Variants in GALM observed in about 807,000 individuals in gnomAD.
The protein encoded by GALM is aldose 1-epimerase.
GALM carries 43 observed loss-of-function variants against 37.4 expected under a neutral mutation model. That is an observed-to-expected ratio of 1.15 (90% CI 0.90 to 1.48). The LOEUF is 1.48. GALM is among the 40% of genes most tolerant of loss of function. The probability of loss-of-function intolerance (pLI) is 0.00; values close to 1 mark genes in which losing one functional copy is unlikely to be tolerated. For missense variants in GALM, 456 were observed against 419.1 expected, an observed-to-expected ratio of 1.09 and a Z score of -0.77; for synonymous variants, 199 against 170.6, an observed-to-expected ratio of 1.17 and a Z score of -1.30.
intron 4 of GALM, among the ~76,000 whole-genome samples, chr2:38,706,674 A>C (rs1447990882): frequency 6.6e-6 from 1 of 151,768 alleles, no homozygotes; most frequent in Non-Finnish European, 1.5e-5. Context: ...TCAGAAACAA[A>C]GAAATATCAC....
chr2:38,678,165 C>T (rs1468864426), intron 2 of GALM, among the ~76,000 whole-genome samples: 5 of 151,834 alleles, frequency 3.3e-5, no homozygotes, highest in East Asian at 1.9e-4. Context: ...TACAGGCATT[C>T]GCCACCATGC....
intron 4 of GALM, among the ~76,000 whole-genome samples, chr2:38,692,815 A>T (rs78296860): frequency 6.6e-6 from 1 of 152,198 alleles, no homozygotes; most frequent in African/African-American, 2.4e-5. Context: ...TGGAAGGGAA[A>T]GTGGAAGTTT....
intron 5 of GALM, 139 bp downstream of exon 5, chr2:38,729,836 A>C: frequency 5.8e-5 from 40 of 684,862 alleles, no homozygotes; most frequent in Non-Finnish European, 7.6e-5. Context: ...ATATTTTCTC[A>C]AAGCTCCCAT....
intron 4 of GALM, among the ~76,000 whole-genome samples, chr2:38,701,796 C>T (rs1027058998): frequency 5.1e-4 from 78 of 152,248 alleles, no homozygotes; most frequent in African/African-American, 1.8e-3. Flanking sequence ...ATGTTGCAAA[C>T]GAAGGCTGTT....
chr2:38,699,241 C>G (rs1252735752), intron 4 of GALM, among the ~76,000 whole-genome samples: 1 of 152,048 alleles, frequency 6.6e-6, no homozygotes, highest in Non-Finnish European at 1.5e-5. Flanking sequence ...TAATTGATAC[C>G]TAATACTTGA....
At position 38,709,921 on chromosome 2, in the gene GALM, CTCT is replaced by C. The variant is rs1207467392; in HGVS notation, c.635-19631_635-19629del. Among the ~76,000 whole-genome samples the C allele has an allele frequency of 3.9e-5, 6 of 152,314 alleles. No individual in the cohort carries two copies. The East Asian group carries it at 7.7e-4, about 20-fold the overall frequency. Reference sequence around the variant, plus strand: ...GGCCTCCTTATGCAAATTTGACTGACTCTTCTGAGCCCGACTAGATAAAGAAAC... The same window carrying C: ...GGCCTCCTTATGCAAATTTGACTGACTCTGAGCCCGACTAGATAAAGAAAC... On this transcript the variant is annotated intron_variant, in intron 4 of 6. Transcript: ENST00000272252.
At chr2:38,684,886 C>T (rs920276917) in intron 3 of GALM, among the ~76,000 whole-genome samples, 1 of 151,960 alleles carries the variant, frequency 6.6e-6, no homozygotes, top group African/African-American at 2.4e-5. Flanking sequence ...TGGGGGAATT[C>T]GAGATGAAAA....
chr2:38,715,219 T>G (rs1666245305), intron 4 of GALM, among the ~76,000 whole-genome samples: 1 of 152,222 alleles, frequency 6.6e-6, no homozygotes, highest in South Asian at 2.1e-4. Flanking sequence ...TGGAATATCT[T>G]TTTTCATCCC....
At chr2:38,694,968 G>A (rs1277805148) in intron 4 of GALM, among the ~76,000 whole-genome samples, 1 of 151,490 alleles carries the variant, frequency 6.6e-6, no homozygotes, top group Non-Finnish European at 1.5e-5. Flanking sequence ...TTGTTCTGTT[G>A]CAGCATATGG....
intron 4 of GALM, among the ~76,000 whole-genome samples, chr2:38,727,483 C>A (rs967589913): frequency 1.3e-5 from 2 of 151,964 alleles, no homozygotes; most frequent in Admixed American, 1.3e-4. Context: ...AATCCCAGCC[C>A]TTTGGGAGGC....
chr2:38,682,897 T>C (rs1383532660), intron 3 of GALM, among the ~76,000 whole-genome samples: 3 of 135,582 alleles, frequency 2.2e-5, no homozygotes, highest in Non-Finnish European at 4.8e-5. Flanking sequence ...ACTCCGTCTT[T>C]AAAAAAAAAA....
rs201614590 is a variant in GALM, at chr2:38,666,178, G to A, written c.17G>A (p.Arg6Lys). 3 of 1,613,042 alleles carry A rather than the reference G, an allele frequency of 1.9e-6. No homozygotes were observed. The highest frequency in any genetic ancestry group is 1.7e-6 in the Non-Finnish European group (2 of 1,179,416). Residue 6 changes from arginine (R) to lysine (K), a missense_variant, in exon 1 of 7, where the codon AGG becomes AAG. Arg to Lys is a conservative substitution (Grantham distance 26, BLOSUM62 2). Coordinates refer to ENST00000272252, the MANE Select transcript of GALM (RefSeq NM_138801.3). The stretch of plus-strand genomic sequence containing the variant: ...ACTTTCCCTATGGCTTCGGTGACCA[G>A]GGCCGTGTTTGGAGAGCTGCCCTCG... The part of the protein sequence containing the change: MASVT[R>K]AVFGELPSGG...
At chr2:38,705,958 C>T (rs1666029116) in intron 4 of GALM, among the ~76,000 whole-genome samples, 1 of 152,070 alleles carries the variant, frequency 6.6e-6, no homozygotes, top group Non-Finnish European at 1.5e-5. Context: ...AGCTATTCTC[C>T]CACCTCAGCC....
intron 1 of GALM, among the ~76,000 whole-genome samples, chr2:38,674,943 G>A: frequency 6.6e-6 from 1 of 152,204 alleles, no homozygotes; most frequent in East Asian, 1.9e-4. Flanking sequence ...GGGAGGCCGA[G>A]TTGGGCAGAT....
At chr2:38,714,866 T>C (rs1666238982) in intron 4 of GALM, among the ~76,000 whole-genome samples, 1 of 152,242 alleles carries the variant, frequency 6.6e-6, no homozygotes, top group South Asian at 2.1e-4. Flanking sequence ...ATCAATGTTG[T>C]AGGTTCATTT....
chr2:38,722,677 G>A (rs1666407772), intron 4 of GALM, among the ~76,000 whole-genome samples: 1 of 152,212 alleles, frequency 6.6e-6, no homozygotes, highest in Admixed American at 6.5e-5. Flanking sequence ...ATTGCTGAGA[G>A]CTATTTTGAC....
chr2:38,667,748 A>C (rs1387623692), intron 1 of GALM, among the ~76,000 whole-genome samples: 1 of 151,762 alleles, frequency 6.6e-6, no homozygotes, highest in East Asian at 2.0e-4. Flanking sequence ...GAGGCAGGAG[A>C]ATCACTTGAA....
chr2:38,686,227 T>TCCTTC (rs200153954), intron 3 of GALM, among the ~76,000 whole-genome samples: 191 of 16,318 alleles, frequency 0.012, 14 homozygotes, highest in East Asian at 0.033. Context: ...GAAATTTCTT[T>TCCTTC]CTTTCTTTCT....
At chr2:38,687,525 C>A (rs1164818814) in intron 3 of GALM, among the ~76,000 whole-genome samples, 1 of 152,070 alleles carries the variant, frequency 6.6e-6, no homozygotes, top group Non-Finnish European at 1.5e-5. Context: ...GCCTGGCCAA[C>A]ATGGTGAAAC....
Sources: gnomAD v4.1 joint callset for allele counts (sites outside exome capture counted in the v4.1 genomes callset) on GRCh38, gnomAD v4.1.1 for gene constraint, MANE v1.5 for transcripts, NCBI Gene and HGNC (gene_info 2026-07-23, HGNC 2026-07-21) for gene names.